The following STK32B variants were observed in gnomAD, a reference collection of about 807,000 sequenced individuals.
The protein encoded by STK32B is serine/threonine-protein kinase 32B.
STK32B carries 43 observed loss-of-function variants against 52.6 expected under a neutral mutation model. That is an observed-to-expected ratio of 0.82 (90% CI 0.64 to 1.05). The LOEUF is 1.05. STK32B is among the 50% of genes least tolerant of loss of function. The probability of loss-of-function intolerance (pLI) is 0.00; values close to 1 mark genes in which losing one functional copy is unlikely to be tolerated. For synonymous variants in STK32B, 238 were observed against 204.3 expected (o/e 1.17, Z -1.41); for missense variants, 621 against 534.6 (o/e 1.16, Z -1.59).
In STK32B at chr4:5,395,232, C is replaced by T. The variant is rs973421666; in HGVS notation, c.435-2975C>T. Among the ~76,000 whole-genome samples, 1 of 152,144 alleles carries T rather than the reference C, an allele frequency of 6.6e-6. No homozygotes were observed. On this transcript the variant is annotated intron_variant, in intron 4 of 11. Coordinates refer to ENST00000282908, the MANE Select transcript of STK32B (RefSeq NM_018401.3). This position sits in a 1 kb window ranked among gnomAD's most constrained non-coding sequence, Gnocchi z 4.4. ...AGAGTCATATAATGTAACATAATCC[C>T]GGGACTGCCATCCCACCAAGTTTGC...
intron 3 of STK32B, among the ~76,000 whole-genome samples, chr4:5,179,661 A>G (rs1720207390): frequency 6.6e-6 from 1 of 152,212 alleles, no homozygotes; most frequent in African/African-American, 2.4e-5. Context: ...AAAAGGAGAA[A>G]GGTCACCAGA....
At chr4:5,385,466 C>T (rs978762114) in intron 4 of STK32B, among the ~76,000 whole-genome samples, 1 of 143,922 alleles carries the variant, frequency 6.9e-6, no homozygotes, top group African/African-American at 2.6e-5. Flanking sequence ...GGGGTTTTGG[C>T]GTTTGGCTGG....
intron 5 of STK32B, among the ~76,000 whole-genome samples, chr4:5,402,267 A>G (rs1285862964): frequency 6.6e-6 from 1 of 152,214 alleles, no homozygotes; most frequent in Non-Finnish European, 1.5e-5. Context: ...GCAGTTGCCT[A>G]ACAGGAGGGT....
In STK32B at chr4:5,316,259, A is replaced by G. The variant is rs184714029; in HGVS notation, c.261-14961A>G. 1.7e-3 allele frequency among the ~76,000 whole-genome samples: 135 copies of G among 81,708 alleles called. 26 individuals carry two copies. Among genetic ancestry groups the G allele is most frequent in the African/African-American group, 6.9e-3 (102 of 14,812 alleles). 53.6% of individuals were successfully genotyped at this position (81,708 alleles called of 152,430 possible). A position where few individuals can be genotyped will look rare whatever the true frequency, so the allele number is the denominator to read the frequency against. On this transcript the variant is annotated intron_variant, in intron 3 of 11. Coordinates refer to ENST00000282908, the MANE Select transcript of STK32B (RefSeq NM_018401.3). ...ATATTATATATTGTATATATAATAT[A>G]TTATATAGTATATATAATATATTAT...
chr4:5,180,129 C>T (rs1720243571), intron 3 of STK32B, among the ~76,000 whole-genome samples: 2 of 152,228 alleles, frequency 1.3e-5, no homozygotes, highest in Non-Finnish European at 2.9e-5. Flanking sequence ...CTGCTGCCCA[C>T]ATGCCATGTC....
chr4:5,321,884 T>C (rs904484444), intron 3 of STK32B, among the ~76,000 whole-genome samples: 26 of 151,958 alleles, frequency 1.7e-4, no homozygotes, highest in African/African-American at 6.0e-4. Flanking sequence ...CGGGAGGCCA[T>C]TGGAAGCTAA....
intron 3 of STK32B, among the ~76,000 whole-genome samples, chr4:5,239,594 T>C (rs56857051): frequency 0.017 from 2,553 of 152,022 alleles, 48 homozygotes; most frequent in East Asian, 0.076. Flanking sequence ...TGGCACTGAG[T>C]GTGCACCCAA....
chr4:5,029,039 G>C, the STK32B span, among the ~76,000 whole-genome samples: 1 of 152,094 alleles, frequency 6.6e-6, no homozygotes, highest in Admixed American at 6.5e-5. Context: ...ACAACATCAA[G>C]GGAGATGGTG....
chr4:5,485,282 C>A (rs770121815), intron 11 of STK32B, among the ~76,000 whole-genome samples: 2 of 152,076 alleles, frequency 1.3e-5, no homozygotes, highest in African/African-American at 4.8e-5. Context: ...GAGGCTTTCT[C>A]GTTTCTTTTT....
chr4:5,190,499 G>C (rs1224320705), intron 3 of STK32B, among the ~76,000 whole-genome samples: 1 of 152,138 alleles, frequency 6.6e-6, no homozygotes, highest in Admixed American at 6.5e-5. Context: ...TGCATTTGGT[G>C]TCATGGGTTC....
At chr4:5,142,245 A>T in intron 2 of STK32B, among the ~76,000 whole-genome samples, 1 of 152,180 alleles carries the variant, frequency 6.6e-6, no homozygotes, top group East Asian at 1.9e-4. Context: ...GGACCAATAT[A>T]TTCAATGGTC....
At chr4:5,187,680 G>C (rs1720857036) in intron 3 of STK32B, among the ~76,000 whole-genome samples, 1 of 152,162 alleles carries the variant, frequency 6.6e-6, no homozygotes, top group South Asian at 2.1e-4. Flanking sequence ...TTCTCATAAT[G>C]GTTGATTTCA....
chr4:5,334,273 C>G (rs1164551480), intron 4 of STK32B, among the ~76,000 whole-genome samples: 1 of 148,894 alleles, frequency 6.7e-6, no homozygotes, highest in Non-Finnish European at 1.5e-5. Context: ...ATTTGGCTCT[C>G]TGTTTGTCTG....
At chr4:5,327,445 T>C (rs571413904) in intron 3 of STK32B, among the ~76,000 whole-genome samples, 65 of 151,968 alleles carry the variant, frequency 4.3e-4, no homozygotes, top group African/African-American at 1.5e-3. Flanking sequence ...AGGTCAAAAT[T>C]ACTTCTTTAT....
At chr4:5,138,747 G>T (rs940846065) in intron 1 of STK32B, among the ~76,000 whole-genome samples, 2 of 152,182 alleles carry the variant, frequency 1.3e-5, no homozygotes, top group African/African-American at 4.8e-5. Flanking sequence ...AGAATGTATC[G>T]TAGGGAGCCA....
intron 3 of STK32B, among the ~76,000 whole-genome samples, chr4:5,213,509 A>G (rs1239169155): frequency 6.6e-6 from 1 of 152,244 alleles, no homozygotes; most frequent in Non-Finnish European, 1.5e-5. Flanking sequence ...AAATAAGACT[A>G]GAAGTGAAGC....
At chr4:5,021,540 G>T in the STK32B span, among the ~76,000 whole-genome samples, 1 of 152,190 alleles carries the variant, frequency 6.6e-6, no homozygotes, top group Non-Finnish European at 1.5e-5. Flanking sequence ...GCTTCTGGAT[G>T]TGCTCAAGGA....
rs112661403 is a variant in STK32B, at chr4:5,426,222, T to C, written c.562+9288T>C. On this transcript the variant is annotated intron_variant, in intron 6 of 11. Coordinates refer to ENST00000282908, the MANE Select transcript of STK32B (RefSeq NM_018401.3). ...AAGCAGCGAATGAGAGACCCGGTTGTTCTGTGTCCTTGCCAGTACTTGGTA... is the reference window on the plus strand; with the variant it reads ...AAGCAGCGAATGAGAGACCCGGTTGCTCTGTGTCCTTGCCAGTACTTGGTA... Among the ~76,000 whole-genome samples, 663 of 152,264 alleles carry C rather than the reference T, an allele frequency of 4.4e-3. 5 individuals are homozygous for C. The highest frequency in any genetic ancestry group is 0.015 in the African/African-American group (618 of 41,542).
At chr4:5,409,137 TTGGCTTTCATGAAGTCTCACCTGAGTGCA>T (rs1356761483) in intron 5 of STK32B, among the ~76,000 whole-genome samples, 1 of 152,128 alleles carries the variant, frequency 6.6e-6, no homozygotes, top group Non-Finnish European at 1.5e-5. Context: ...TGGCCTCTGC[TTGGCTTTCATGAAGTCTCACCTGAGTGCA>T]TCTCATCAGC....
Sources: allele counts gnomAD v4.1 joint callset (sites outside exome capture counted in the v4.1 genomes callset), GRCh38; gene constraint gnomAD v4.1.1; non-coding constraint Gnocchi (gnomAD v3.1); transcripts MANE v1.5; gene names NCBI Gene and HGNC (gene_info 2026-07-23, HGNC 2026-07-21).